Variants in GRIK4 observed in about 807,000 individuals in gnomAD.
The protein encoded by GRIK4 is glutamate receptor ionotropic, kainate 4.
In GRIK4, 40 loss-of-function variants were observed where a neutral mutation model predicts 104.9. The ratio of observed to expected loss-of-function variants is 0.38; its 90% CI spans 0.30 to 0.50. GRIK4 has a LOEUF of 0.50. GRIK4 is among the 20% of genes least tolerant of loss of function. The pLI, the probability that GRIK4 is intolerant of heterozygous loss-of-function variation, is 0.93. For missense variants in GRIK4, 1,047 were observed against 1,308.1 expected, an observed-to-expected ratio of 0.80 and a Z score of 3.08; for synonymous variants, 485 against 524.9, an observed-to-expected ratio of 0.92 and a Z score of 1.04.
intron 3 of GRIK4, among the ~76,000 whole-genome samples, chr11:120,730,370 G>A (rs73012333): frequency 0.035 from 5,318 of 151,824 alleles, 123 homozygotes; most frequent in East Asian, 0.094. Context: ...AGAAAGAAAG[G>A]AAAAAAGAGT....
At chr11:120,559,166 G>T (rs1840175542) in intron 1 of GRIK4, among the ~76,000 whole-genome samples, 1 of 152,194 alleles carries the variant, frequency 6.6e-6, no homozygotes, top group Non-Finnish European at 1.5e-5. Flanking sequence ...GCCTGCTGAG[G>T]CTACTAGGTG....
intron 8 of GRIK4, among the ~76,000 whole-genome samples, chr11:120,840,277 C>T (rs1026098609): frequency 1.3e-5 from 2 of 152,116 alleles, no homozygotes; most frequent in Non-Finnish European, 2.9e-5. Flanking sequence ...TGAAGGCACA[C>T]AGTCAGAGGA....
intron 3 of GRIK4, among the ~76,000 whole-genome samples, chr11:120,755,238 G>T (rs1951632007): frequency 6.6e-6 from 1 of 152,114 alleles, no homozygotes; most frequent in Non-Finnish European, 1.5e-5. Flanking sequence ...GAACACAATT[G>T]CACCATGGGA....
chr11:120,862,201 A>G (rs1263860059), intron 9 of GRIK4, 81 bp downstream of exon 9: 6 of 1,225,840 alleles, frequency 4.9e-6, no homozygotes, highest in African/African-American at 3.0e-5. Flanking sequence ...TGGGCAACAC[A>G]TCTTCTTGGA....
At chr11:120,564,794 G>C (rs1369028436) in intron 1 of GRIK4, 1 of 151,746 alleles carries the variant, frequency 6.6e-6, no homozygotes, top group African/African-American at 2.4e-5. Context: ...CCCAGCCTCC[G>C]CCTCGCCCCT....
chr11:120,533,220 A>C (rs963607429), intron 1 of GRIK4, among the ~76,000 whole-genome samples: 1 of 152,222 alleles, frequency 6.6e-6, no homozygotes, highest in Non-Finnish European at 1.5e-5. Flanking sequence ...GGAAAAGCAC[A>C]TGTCACAGCT....
chr11:120,834,508 G>A (rs555412613), intron 7 of GRIK4, among the ~76,000 whole-genome samples: 2 of 152,316 alleles, frequency 1.3e-5, no homozygotes, highest in East Asian at 1.9e-4. Flanking sequence ...AGGCAGGCAG[G>A]CGTTCCATCA....
chr11:120,927,002 C>A (rs754913908), intron 13 of GRIK4, among the ~76,000 whole-genome samples: 1 of 152,112 alleles, frequency 6.6e-6, no homozygotes, highest in Non-Finnish European at 1.5e-5. Flanking sequence ...CGGTGAGAAG[C>A]CAGCTGGGCC....
chr11:120,710,688 C>T (rs1950716721), intron 3 of GRIK4, among the ~76,000 whole-genome samples: 1 of 152,224 alleles, frequency 6.6e-6, no homozygotes, highest in African/African-American at 2.4e-5. Context: ...CCTCCAGATT[C>T]TGTGCCCAGA....
At chr11:120,881,115 A>G (rs1954957789) in intron 11 of GRIK4, among the ~76,000 whole-genome samples, 1 of 152,190 alleles carries the variant, frequency 6.6e-6, no homozygotes, top group South Asian at 2.1e-4. Flanking sequence ...CTATTAAAAC[A>G]CAAGGCCCAG....
chr11:120,531,570 T>TTTTTTC (rs1367276676), intron 1 of GRIK4, among the ~76,000 whole-genome samples: 1 of 151,154 alleles, frequency 6.6e-6, no homozygotes, highest in Non-Finnish European at 1.5e-5. Flanking sequence ...TGCCTGTTTC[T>TTTTTTC]TTTTTCTTTT....
chr11:120,921,220 G>A (rs1943221213), intron 13 of GRIK4, among the ~76,000 whole-genome samples: 1 of 152,176 alleles, frequency 6.6e-6, no homozygotes, highest in Non-Finnish European at 1.5e-5. Context: ...ATGGGACTAT[G>A]TGTTTATTGA....
chr11:120,662,759 C>T (rs1166941748), intron 3 of GRIK4, among the ~76,000 whole-genome samples: 1 of 152,144 alleles, frequency 6.6e-6, no homozygotes, highest in East Asian at 1.9e-4. Context: ...CCAACCCCAG[C>T]CTCAGAATGG....
At chr11:120,982,267 G>C in intron 20 of GRIK4, 43 bp downstream of exon 20, 2 of 1,050,832 alleles carry the variant, frequency 1.9e-6, no homozygotes, top group South Asian at 1.3e-5. Context: ...TGGCAGATGG[G>C]GTGAAGTTCA....
chr11:120,924,387 G>A (rs1416987639), intron 13 of GRIK4, among the ~76,000 whole-genome samples: 2 of 152,010 alleles, frequency 1.3e-5, no homozygotes, highest in Non-Finnish European at 2.9e-5. Context: ...AGGCTCAACA[G>A]TGGCCATTCT....
intron 11 of GRIK4, among the ~76,000 whole-genome samples, chr11:120,884,798 G>A (rs1269600610): frequency 6.6e-6 from 1 of 152,376 alleles, no homozygotes; most frequent in Admixed American, 6.5e-5. Context: ...TGCAAGGCCC[G>A]GGCACATGCT....
At position 120,883,896 on chromosome 11, in the gene GRIK4, T is replaced by C. The variant is rs116405400; in HGVS notation, c.1164+8653T>C. On this transcript the variant is annotated intron_variant, in intron 11 of 20. Coordinates refer to ENST00000527524, the MANE Select transcript of GRIK4 (RefSeq NM_014619.5). ...TCAGCCAGCTCATGCCTGGAAGAGCTGGAAGAGGCGGACCTGCTAATTCGG... is the reference window on the plus strand; with the variant it reads ...TCAGCCAGCTCATGCCTGGAAGAGCCGGAAGAGGCGGACCTGCTAATTCGG... Among the ~76,000 whole-genome samples, 221 of 152,334 alleles carry C rather than the reference T, an allele frequency of 1.5e-3. 1 individual carries two copies. Among genetic ancestry groups the C allele is most frequent in the African/African-American group, 5.1e-3 (212 of 41,576 alleles).
intron 1 of GRIK4, 79 bp downstream of exon 1, chr11:120,511,966 G>A (rs189761644): frequency 0.017 from 2,261 of 136,782 alleles, 64 homozygotes; most frequent in African/African-American, 0.062. Context: ...CTCCGCGCTG[G>A]CCCTTCCCGC....
intron 3 of GRIK4, among the ~76,000 whole-genome samples, chr11:120,702,586 A>C (rs887003614): frequency 6.6e-6 from 1 of 152,188 alleles, no homozygotes; most frequent in Non-Finnish European, 1.5e-5. Flanking sequence ...AGAGGGATGC[A>C]GAGGAGCCCA....
Sources: allele counts gnomAD v4.1 joint callset (sites outside exome capture counted in the v4.1 genomes callset), GRCh38; gene constraint gnomAD v4.1.1; transcripts MANE v1.5; gene names NCBI Gene and HGNC (gene_info 2026-07-23, HGNC 2026-07-21).